Variants in MACROD2 observed in about 807,000 individuals in gnomAD.
The protein encoded by MACROD2 is ADP-ribose glycohydrolase MACROD2.
In MACROD2, 36 loss-of-function variants were observed where a neutral mutation model predicts 70.4. The observed-to-expected ratio is 0.51, with a 90% confidence interval of 0.39 to 0.68. MACROD2 has a LOEUF of 0.68. Among genes scored for constraint, MACROD2 ranks in the 30% least tolerant of loss-of-function variants. The pLI, the probability that MACROD2 is intolerant of heterozygous loss-of-function variation, is 0.00. For missense variants in MACROD2, 496 were observed against 538.4 expected, an observed-to-expected ratio of 0.92 and a Z score of 0.78; for synonymous variants, 172 against 178.8, an observed-to-expected ratio of 0.96 and a Z score of 0.30.
chr20:14,235,448 A>G (rs758390338), intron 3 of MACROD2, among the ~76,000 whole-genome samples: 9 of 152,304 alleles, frequency 5.9e-5, no homozygotes, highest in Non-Finnish European at 1.3e-4. Context: ...CCATGATTCA[A>G]ACATCAGGCA....
intron 7 of MACROD2, among the ~76,000 whole-genome samples, chr20:15,452,090 A>G (rs1393131054): frequency 1.3e-5 from 2 of 152,162 alleles, no homozygotes; most frequent in East Asian, 3.9e-4. Context: ...GCCATCAGTC[A>G]GGTAGTGAGA....
chr20:15,789,258 C>T (rs2051981137), intron 8 of MACROD2, among the ~76,000 whole-genome samples: 1 of 152,122 alleles, frequency 6.6e-6, no homozygotes, highest in Admixed American at 6.5e-5. Flanking sequence ...AAAGAATAGC[C>T]TTTGGTTGAA....
intron 3 of MACROD2, among the ~76,000 whole-genome samples, chr20:14,283,516 T>C (rs1197743317): frequency 6.6e-6 from 1 of 152,222 alleles, no homozygotes; most frequent in African/African-American, 2.4e-5. Flanking sequence ...ACTTACAGGT[T>C]ATCTATCAGC....
chr20:14,326,212 G>A lies in MACROD2; in HGVS notation c.272-167267G>A, dbSNP rs1384310104. 6.2e-7 allele frequency: 1 copy of A among 1,613,814 alleles called. No individual in the cohort carries two copies. Among genetic ancestry groups the A allele is most frequent in the Non-Finnish European group, 8.5e-7 (1 of 1,179,894 alleles). Reference sequence around the variant, plus strand: ...CCAGCTGAGTCTCAAAGCAGTCATAGGTAGAGCAAGTTTCCAAGAGATATG... The same window carrying A: ...CCAGCTGAGTCTCAAAGCAGTCATAAGTAGAGCAAGTTTCCAAGAGATATG... On this transcript the variant is annotated intron_variant, in intron 3 of 17. Coordinates refer to ENST00000684519, the MANE Select transcript of MACROD2 (RefSeq NM_001351661.2). The surrounding 1 kb of genome is among the most constrained non-coding windows in gnomAD (Gnocchi z 5.5).
At position 15,243,786 on chromosome 20, in the gene MACROD2, C is replaced by T. The variant is rs181930317; in HGVS notation, c.540+13725C>T. On this transcript the variant is annotated intron_variant, in intron 6 of 17. Transcript: ENST00000684519. ...AAAAAAAAAAAGAAAATTAGCGGGG[C>T]GTAGTGGCGGGTGCCTGTAGTCCCA... 2.0e-3 allele frequency among the ~76,000 whole-genome samples: 298 copies of T among 151,452 alleles called. 2 individuals are homozygous for T. Among genetic ancestry groups the T allele is most frequent in the African/African-American group, 7.1e-3 (292 of 41,262 alleles).
intron 8 of MACROD2, among the ~76,000 whole-genome samples, chr20:15,723,767 T>C (rs1055268493): frequency 1.3e-5 from 2 of 152,216 alleles, no homozygotes; most frequent in Non-Finnish European, 2.9e-5. Flanking sequence ...TGGTGGTTTT[T>C]GGAGGACATA....
At chr20:15,055,967 A>G (rs2075481825) in intron 5 of MACROD2, among the ~76,000 whole-genome samples, 3 of 151,870 alleles carry the variant, frequency 2.0e-5, no homozygotes, top group African/African-American at 7.3e-5. Flanking sequence ...TTGTATTTTT[A>G]GTAGAGACAA....
intron 3 of MACROD2, among the ~76,000 whole-genome samples, chr20:14,275,357 C>G (rs1375664983): frequency 6.6e-6 from 1 of 151,992 alleles, no homozygotes; most frequent in Non-Finnish European, 1.5e-5. Context: ...CTTTGACAAA[C>G]CTGAGAAAAA....
chr20:14,716,984 G>A (rs905263060), intron 5 of MACROD2, among the ~76,000 whole-genome samples: 4 of 151,556 alleles, frequency 2.6e-5, no homozygotes, highest in Non-Finnish European at 4.4e-5. Flanking sequence ...TTTGAGTGTC[G>A]ACTTACAAAG....
rs557844299 is a variant in MACROD2, at chr20:15,201,953, T to A, written c.419-27987T>A. Among the ~76,000 whole-genome samples, 63 of 152,304 alleles carry A rather than the reference T, an allele frequency of 4.1e-4. 1 individual carries two copies. Among genetic ancestry groups the A allele is most frequent in the Admixed American group, 3.5e-3 (54 of 15,296 alleles). On this transcript the variant is annotated intron_variant, in intron 5 of 17. Coordinates refer to ENST00000684519, the MANE Select transcript of MACROD2 (RefSeq NM_001351661.2). ...TCCCAGTGACCAAAGTAAATTGGCA[T>A]GTGTATAAAATACAGGACCCACGGA...
chr20:14,191,908 G>A (rs2081391493), intron 3 of MACROD2, among the ~76,000 whole-genome samples: 5 of 151,832 alleles, frequency 3.3e-5, no homozygotes, highest in Admixed American at 3.3e-4. Flanking sequence ...AGCCATCAGA[G>A]GGTTTTTGAA....
At chr20:14,433,465 A>G (rs1019158769) in intron 3 of MACROD2, among the ~76,000 whole-genome samples, 1 of 152,210 alleles carries the variant, frequency 6.6e-6, no homozygotes, top group African/African-American at 2.4e-5. Context: ...TTTCTAAAAC[A>G]AAGTGGACAA....
At position 14,100,777 on chromosome 20, in the gene MACROD2, A is replaced by G. The variant is rs1201543595; in HGVS notation, c.271+15049A>G. Among the ~76,000 whole-genome samples the G allele has an allele frequency of 5.7e-5, 8 of 139,614 alleles. No individual in the cohort carries two copies. The Admixed American group carries it at 6.1e-4, about 11-fold the overall frequency. The allele number at this position is 139,614 out of a possible 152,430, so 91.6% of individuals were successfully genotyped here. A position where few individuals can be genotyped will look rare whatever the true frequency, so the allele number is the denominator to read the frequency against. ...TATATAAAAATATAATCTATAATAT[A>G]TATTACATATTATATATTATATATG... is the stretch of plus-strand genomic sequence containing the variant. On this transcript the variant is annotated intron_variant, in intron 3 of 17. Transcript: ENST00000684519.
At chr20:14,643,622 C>T (rs897599420) in intron 4 of MACROD2, among the ~76,000 whole-genome samples, 5 of 152,080 alleles carry the variant, frequency 3.3e-5, no homozygotes, top group African/African-American at 1.2e-4. Context: ...ATGTACTCTT[C>T]CTTAAAAGAA....
intron 3 of MACROD2, among the ~76,000 whole-genome samples, chr20:14,351,947 C>T (rs1460864136): frequency 2.0e-5 from 3 of 152,068 alleles, no homozygotes; most frequent in Non-Finnish European, 4.4e-5. Context: ...GGATGTATAA[C>T]TTTATCGAAT....
At chr20:15,560,762 C>CAAAAAAAAAAAAAAAAAA (rs71190190) in intron 8 of MACROD2, among the ~76,000 whole-genome samples, 25 of 22,082 alleles carry the variant, frequency 1.1e-3, no homozygotes, top group Non-Finnish European at 1.9e-3. Context: ...AACAAAGTCT[C>CAAAAAAAAAAAAAAAAAA]AAAAAAAAAA....
At position 16,050,714 on chromosome 20, in the gene MACROD2, A is replaced by G. The variant is rs1568738132; in HGVS notation, c.*838A>G. Reference sequence around the variant, plus strand: ...CTAGGTGTTACAGTTAAAAGCTAAGAAAAGGGGCAGTGCATTTAGGACCCA... The same window carrying G: ...CTAGGTGTTACAGTTAAAAGCTAAGGAAAGGGGCAGTGCATTTAGGACCCA... On this transcript the variant is annotated 3_prime_UTR_variant, in exon 18 of 18. Transcript: ENST00000684519. 6.6e-6 allele frequency: 1 copy of G among 152,258 alleles called. No homozygotes were observed. Among genetic ancestry groups the G allele is most frequent in the South Asian group, 2.1e-4 (1 of 4,836 alleles). 9.4% of individuals were successfully genotyped at this position (152,258 alleles called of 1,614,324 possible). A position where few individuals can be genotyped will look rare whatever the true frequency, so the allele number is the denominator to read the frequency against.
chr20:14,130,930 G>GTTTTTTTTTTTTTTTTTTTTTTTT (rs11087075), intron 3 of MACROD2, among the ~76,000 whole-genome samples: 1 of 109,654 alleles, frequency 9.1e-6, no homozygotes, highest in African/African-American at 4.0e-5. Flanking sequence ...TGTTTTTTTT[G>GTTTTTTTTTTTTTTTTTTTTTTTT]TTTTTTTTTT....
chr20:14,080,253 CT>C (rs1168638027), intron 2 of MACROD2, among the ~76,000 whole-genome samples: 1 of 151,786 alleles, frequency 6.6e-6, no homozygotes, highest in Non-Finnish European at 1.5e-5. Context: ...ACCATCCTGG[CT>C]AATATGGTGA....
Sources: allele counts gnomAD v4.1 joint callset (sites outside exome capture counted in the v4.1 genomes callset), GRCh38; gene constraint gnomAD v4.1.1; non-coding constraint Gnocchi (gnomAD v3.1); transcripts MANE v1.5; gene names NCBI Gene and HGNC (gene_info 2026-07-23, HGNC 2026-07-21).